MIR2052HG: variants seen among roughly 807,000 people sequenced by gnomAD.
The protein encoded by MIR2052HG is MIR2052 host gene.
At chr8:74,633,613 T>C (rs1319439150) in intron 2 of MIR2052HG, among the ~76,000 whole-genome samples, 1 of 152,220 alleles carries the variant, frequency 6.6e-6, no homozygotes, top group African/African-American at 2.4e-5. Flanking sequence ...GTACTTGTTA[T>C]GCGTTTCCTA....
intron 2 of MIR2052HG, among the ~76,000 whole-genome samples, chr8:74,647,200 C>T (rs1256040977): frequency 6.6e-6 from 1 of 152,100 alleles, no homozygotes; most frequent in Non-Finnish European, 1.5e-5. Flanking sequence ...CATATACACA[C>T]ATGGTATTTC....
intron 4 of MIR2052HG, among the ~76,000 whole-genome samples, chr8:74,713,311 C>A (rs982207454): frequency 2.0e-5 from 3 of 152,152 alleles, no homozygotes; most frequent in African/African-American, 7.2e-5. Flanking sequence ...TATGTGGCCC[C>A]TTCCACTCTT....
intron 2 of MIR2052HG, among the ~76,000 whole-genome samples, chr8:74,665,272 T>C (rs1808910109): frequency 6.6e-6 from 1 of 152,186 alleles, no homozygotes; most frequent in African/African-American, 2.4e-5. Context: ...ACAGCAACAA[T>C]ATGATATGAT....
intron 2 of MIR2052HG, among the ~76,000 whole-genome samples, chr8:74,617,904 G>A (rs938913779): frequency 6.6e-6 from 1 of 152,138 alleles, no homozygotes; most frequent in Non-Finnish European, 1.5e-5. Flanking sequence ...ATTCTGACTG[G>A]TGTAAGATAG....
chr8:74,733,233 C>G (rs1329539175), intron 4 of MIR2052HG, among the ~76,000 whole-genome samples: 1 of 151,974 alleles, frequency 6.6e-6, no homozygotes, highest in Non-Finnish European at 1.5e-5. Context: ...CCTCCCCGCT[C>G]TCCCCACCCC....
chr8:74,709,968 T>A (rs74660146), intron 4 of MIR2052HG, among the ~76,000 whole-genome samples: 1 of 152,180 alleles, frequency 6.6e-6, no homozygotes, highest in African/African-American at 2.4e-5. Context: ...GCAATATGCA[T>A]CTAGTTTAAC....
In MIR2052HG at chr8:74,726,413, G is replaced by T. The variant is rs7814857; in HGVS notation, n.371+22731G>T. On this transcript the variant is annotated intron_variant and non_coding_transcript_variant, in intron 4 of 6. Transcript: ENST00000523442. ...AAACATTGTTTCTAAATATCTACTT[G>T]TGTAAGTACCAAGCGATTGGTAAGA... is the stretch of plus-strand genomic sequence containing the variant. Among the ~76,000 whole-genome samples, 913 of 152,214 alleles carry T rather than the reference G, an allele frequency of 6.0e-3. 8 individuals carry two copies. Among genetic ancestry groups the T allele is most frequent in the African/African-American group, 0.02 (842 of 41,530 alleles).
intron 4 of MIR2052HG, among the ~76,000 whole-genome samples, chr8:74,714,810 T>C (rs558367400): frequency 8.0e-5 from 12 of 150,600 alleles, no homozygotes; most frequent in Admixed American, 7.3e-4. Context: ...GTTCAAGCAA[T>C]TCTCCTGCCT....
At chr8:74,661,200 CTT>C (rs552416471) in intron 2 of MIR2052HG, among the ~76,000 whole-genome samples, 5 of 127,418 alleles carry the variant, frequency 3.9e-5, no homozygotes, top group Non-Finnish European at 5.1e-5. Flanking sequence ...AGCTTAGGTC[CTT>C]TTTTTTTTTT....
chr8:74,691,136 A>G (rs1809235653), intron 2 of MIR2052HG, among the ~76,000 whole-genome samples: 1 of 152,242 alleles, frequency 6.6e-6, no homozygotes, highest in Admixed American at 6.5e-5. Flanking sequence ...CACAATGTGT[A>G]CAAAAGAAGC....
At chr8:74,753,395 T>A (rs190288756) in intron 5 of MIR2052HG, among the ~76,000 whole-genome samples, 3 of 152,340 alleles carry the variant, frequency 2.0e-5, no homozygotes, top group African/African-American at 7.2e-5. Flanking sequence ...TTTACATTTA[T>A]TACAAAATAA....
chr8:74,665,921 A>G (rs1808918745), intron 2 of MIR2052HG, among the ~76,000 whole-genome samples: 1 of 152,138 alleles, frequency 6.6e-6, no homozygotes, highest in Admixed American at 6.5e-5. Flanking sequence ...GCTGCCATGT[A>G]AGACATGCCT....
intron 4 of MIR2052HG, among the ~76,000 whole-genome samples, chr8:74,739,226 A>C (rs1809802103): frequency 6.6e-6 from 1 of 152,200 alleles, no homozygotes; most frequent in Admixed American, 6.5e-5. Context: ...GTGTTTAATA[A>C]AATGGTGACT....
intron 3 of MIR2052HG, among the ~76,000 whole-genome samples, chr8:74,703,443 G>T (rs1156391142): frequency 6.6e-6 from 1 of 152,012 alleles, no homozygotes; most frequent in Admixed American, 6.6e-5. Context: ...CCTATTGCAT[G>T]CTGGCTCCAA....
At chr8:74,717,246 A>T (rs567626012) in intron 4 of MIR2052HG, among the ~76,000 whole-genome samples, 1 of 152,082 alleles carries the variant, frequency 6.6e-6, no homozygotes, top group Admixed American at 6.5e-5. Flanking sequence ...TATGAGTGAG[A>T]ACATGTGGTG....
intron 2 of MIR2052HG, among the ~76,000 whole-genome samples, chr8:74,666,984 C>T (rs1808936058): frequency 6.6e-6 from 1 of 152,162 alleles, no homozygotes; most frequent in African/African-American, 2.4e-5. Context: ...GGCTCCAGTT[C>T]ATCCTAGCGC....
chr8:74,734,930 A>G (rs1047761320), intron 4 of MIR2052HG, among the ~76,000 whole-genome samples: 1 of 152,224 alleles, frequency 6.6e-6, no homozygotes, highest in African/African-American at 2.4e-5. Context: ...TTATCCCTCA[A>G]ATGAAATACC....
intron 2 of MIR2052HG, among the ~76,000 whole-genome samples, chr8:74,693,435 AG>A (rs1375835353): frequency 6.6e-6 from 1 of 151,882 alleles, no homozygotes; most frequent in Non-Finnish European, 1.5e-5. Flanking sequence ...AATCTAGGGG[AG>A]GGGGTGAAAG....
intron 2 of MIR2052HG, among the ~76,000 whole-genome samples, chr8:74,630,695 A>G (rs1808498939): frequency 6.6e-6 from 1 of 152,174 alleles, no homozygotes; most frequent in Non-Finnish European, 1.5e-5. Flanking sequence ...GCAGTGAGCT[A>G]CGGATGGCAT....
Sources: allele counts gnomAD v4.1 joint callset (sites outside exome capture counted in the v4.1 genomes callset), GRCh38; gene constraint gnomAD v4.1.1; transcripts MANE v1.5; gene names NCBI Gene and HGNC (gene_info 2026-07-23, HGNC 2026-07-21).